The following RAPGEF5 variants were observed in gnomAD, a reference collection of about 807,000 sequenced individuals.
RAPGEF5 encodes the protein M-Ras-regulated GEF.
RAPGEF5 carries 65 observed loss-of-function variants against 125.2 expected under a neutral mutation model. The ratio of observed to expected loss-of-function variants is 0.52; its 90% CI spans 0.43 to 0.64. The LOEUF (loss-of-function observed/expected upper bound fraction) is 0.64. RAPGEF5 is among the 30% of genes least tolerant of loss of function. The probability of loss-of-function intolerance (pLI) is 0.00; values close to 1 mark genes in which losing one functional copy is unlikely to be tolerated. For synonymous variants in RAPGEF5, 391 were observed against 385.9 expected (o/e 1.01, Z -0.16); for missense variants, 958 against 1,048.1 (o/e 0.91, Z 1.19).
intron 1 of RAPGEF5, among the ~76,000 whole-genome samples, chr7:22,333,936 A>G (rs1178057418): frequency 6.6e-6 from 1 of 151,624 alleles, no homozygotes; most frequent in East Asian, 1.9e-4. Flanking sequence ...GCCCCAAGAA[A>G]CGGTTAAACT....
intron 1 of RAPGEF5, among the ~76,000 whole-genome samples, chr7:22,333,511 A>G (rs1437842103): frequency 1.3e-5 from 2 of 152,232 alleles, no homozygotes; most frequent in African/African-American, 4.8e-5. Context: ...CCAAATTTAA[A>G]GAATGAAAAG....
intron 9 of RAPGEF5, among the ~76,000 whole-genome samples, chr7:22,199,531 GAAAAAAAAAAAAAA>G (rs35024654): frequency 1.8e-4 from 11 of 62,832 alleles, no homozygotes; most frequent in Admixed American, 6.7e-4. Flanking sequence ...CCTTAAAATT[GAAAAAAAAAAAAAA>G]AAAAAAAAAA....
At chr7:22,242,504 C>T (rs1268463190) in intron 7 of RAPGEF5, among the ~76,000 whole-genome samples, 6 of 152,074 alleles carry the variant, frequency 3.9e-5, no homozygotes, top group Admixed American at 3.3e-4. Flanking sequence ...GAGAAGGGCC[C>T]CTGGTCACCA....
intron 12 of RAPGEF5, among the ~76,000 whole-genome samples, chr7:22,164,663 C>T (rs1784107101): frequency 6.6e-6 from 1 of 151,978 alleles, no homozygotes; most frequent in Admixed American, 6.6e-5. Flanking sequence ...AATCTGATTT[C>T]CAATATTAGG....
intron 3 of RAPGEF5, chr7:22,314,730 C>A (rs1783553332): frequency 9.9e-6 from 6 of 608,028 alleles, no homozygotes; most frequent in Non-Finnish European, 1.2e-5. Flanking sequence ...ATATCTTTAT[C>A]TGGCAAAACA....
chr7:22,137,270 A>C (rs1265170286), intron 21 of RAPGEF5, among the ~76,000 whole-genome samples: 2 of 152,222 alleles, frequency 1.3e-5, no homozygotes, highest in African/African-American at 4.8e-5. Context: ...ATAAAAACTT[A>C]GATTTCAGTT....
intron 9 of RAPGEF5, among the ~76,000 whole-genome samples, chr7:22,205,083 T>C (rs1436094324): frequency 1.3e-5 from 2 of 152,144 alleles, no homozygotes; most frequent in African/African-American, 2.4e-5. Context: ...CAAATTCTCT[T>C]TTCCTGAATA....
chr7:22,254,110 C>T (rs1167708657), intron 7 of RAPGEF5, among the ~76,000 whole-genome samples: 1 of 152,108 alleles, frequency 6.6e-6, no homozygotes, highest in Admixed American at 6.5e-5. Context: ...TAGAATATGC[C>T]TTTTCACTGG....
At chr7:22,184,664 T>C (rs1373255207) in intron 11 of RAPGEF5, among the ~76,000 whole-genome samples, 4 of 152,248 alleles carry the variant, frequency 2.6e-5, no homozygotes, top group African/African-American at 4.8e-5. Context: ...TGTATGTTAA[T>C]GATCTTATGC....
intron 6 of RAPGEF5, among the ~76,000 whole-genome samples, chr7:22,282,923 T>G (rs1017951831): frequency 6.6e-6 from 1 of 152,120 alleles, no homozygotes; most frequent in Non-Finnish European, 1.5e-5. Flanking sequence ...TGGAATACTA[T>G]AGAATCACTA....
At chr7:22,125,684 C>T (rs1184795400) in intron 24 of RAPGEF5, 26 bp from the exon 25 acceptor site, 2 of 1,589,838 alleles carry the variant, frequency 1.3e-6, no homozygotes, top group South Asian at 2.2e-5. Context: ...GGAAACACAT[C>T]AATGGAAGGG....
At chr7:22,150,925 T>A (rs1165554301) in intron 17 of RAPGEF5, among the ~76,000 whole-genome samples, 1 of 152,274 alleles carries the variant, frequency 6.6e-6, no homozygotes, top group African/African-American at 2.4e-5. Flanking sequence ...GATTTATGCA[T>A]ATGCATTTAT....
chr7:22,215,630 G>C (rs1209390135), intron 9 of RAPGEF5, among the ~76,000 whole-genome samples: 1 of 152,200 alleles, frequency 6.6e-6, no homozygotes, highest in African/African-American at 2.4e-5. Flanking sequence ...GAGTATTCTA[G>C]AATAGAAGTA....
intron 9 of RAPGEF5, among the ~76,000 whole-genome samples, chr7:22,216,120 T>C (rs62448773): frequency 0.16 from 25,116 of 152,238 alleles, 2,169 homozygotes; most frequent in Admixed American, 0.21. Context: ...TCAGTTCTTA[T>C]GGTCATTGCC....
intron 7 of RAPGEF5, among the ~76,000 whole-genome samples, chr7:22,241,608 C>A (rs899127892): frequency 6.6e-6 from 1 of 151,994 alleles, no homozygotes; most frequent in Non-Finnish European, 1.5e-5. Flanking sequence ...TACTTGTAAA[C>A]GGGAGATGAT....
intron 9 of RAPGEF5, among the ~76,000 whole-genome samples, chr7:22,212,573 T>G (rs1343700675): frequency 9.1e-6 from 1 of 110,028 alleles, no homozygotes; most frequent in Non-Finnish European, 2.2e-5. Context: ...CTTCTTGATA[T>G]CTCTTCTTTT....
intron 5 of RAPGEF5, among the ~76,000 whole-genome samples, chr7:22,305,507 A>G (rs981319915): frequency 1.3e-5 from 2 of 152,226 alleles, no homozygotes; most frequent in Non-Finnish European, 2.9e-5. Context: ...AGCACATCAT[A>G]GAGAATGGGG....
At chr7:22,289,604 TG>T (rs879384830) in intron 6 of RAPGEF5, among the ~76,000 whole-genome samples, 35 of 151,602 alleles carry the variant, frequency 2.3e-4, no homozygotes, top group Non-Finnish European at 3.8e-4. Flanking sequence ...CACTCCTTTG[TG>T]GTCAATATTT....
In RAPGEF5 at chr7:22,317,519, C is replaced by T. The variant is rs753048483; in HGVS notation, c.282+468G>A. 5.9e-5 allele frequency among the ~76,000 whole-genome samples: 9 copies of T among 152,152 alleles called. No homozygotes were observed. In the East Asian group the frequency reaches 9.7e-4, roughly 16 times the overall value. ...CCTCCCAAAGTGCAGGGATTACAGG[C>T]GTGAGCCACCATGCCCAGCCAAAAA... On this transcript the variant is annotated intron_variant, in intron 2 of 25. Transcript: ENST00000665637.
Sources: gnomAD v4.1 joint callset for allele counts (sites outside exome capture counted in the v4.1 genomes callset) on GRCh38, gnomAD v4.1.1 for gene constraint, MANE v1.5 for transcripts, NCBI Gene and HGNC (gene_info 2026-07-23, HGNC 2026-07-21) for gene names.